The following CMKLR1 variants were observed in gnomAD, a reference collection of about 807,000 sequenced individuals.
CMKLR1 encodes chemerin chemokine-like receptor 1.
Under a neutral mutation model 8.2 loss-of-function variants are expected in CMKLR1, and 6 were observed. The ratio of observed to expected loss-of-function variants is 0.73; its 90% CI spans 0.40 to 1.44. The LOEUF is 1.44. Among genes scored for constraint, CMKLR1 ranks in the 40% most tolerant of loss-of-function variants. The pLI is 0.02. For synonymous variants in CMKLR1, 178 were observed against 181.2 expected (o/e 0.98, Z 0.14); for missense variants, 429 against 478.0 (o/e 0.90, Z 0.96).
intron 2 of CMKLR1, among the ~76,000 whole-genome samples, chr12:108,301,201 G>A (rs550214241): frequency 6.7e-6 from 1 of 150,112 alleles, no homozygotes; most frequent in Non-Finnish European, 1.5e-5. Flanking sequence ...TCAGCCTCCC[G>A]AGTAGCTGGG....
chr12:108,304,166 C>G (rs1391867077), intron 2 of CMKLR1, among the ~76,000 whole-genome samples: 1 of 152,212 alleles, frequency 6.6e-6, no homozygotes, highest in Non-Finnish European at 1.5e-5. Flanking sequence ...CCAGCTCCTT[C>G]CCTGTAGGGT....
chr12:108,312,576 G>A (rs867644549), intron 2 of CMKLR1, among the ~76,000 whole-genome samples: 1 of 152,218 alleles, frequency 6.6e-6, no homozygotes, highest in Admixed American at 6.5e-5. Context: ...CTTCGAGGTA[G>A]ATATTTTCAT....
At chr12:108,299,775 A>C (rs1303587448) in intron 2 of CMKLR1, among the ~76,000 whole-genome samples, 1 of 152,176 alleles carries the variant, frequency 6.6e-6, no homozygotes, top group East Asian at 1.9e-4. Context: ...TGGCAGAGGC[A>C]AGGAAGTATC....
intron 1 of CMKLR1, among the ~76,000 whole-genome samples, chr12:108,331,753 G>T (rs1182208951): frequency 6.6e-6 from 1 of 152,162 alleles, no homozygotes; most frequent in Non-Finnish European, 1.5e-5. Context: ...GCGGTTGCTG[G>T]CTTTGAAGGC....
At chr12:108,337,579 G>C (rs1173969002) in intron 1 of CMKLR1, among the ~76,000 whole-genome samples, 2 of 152,158 alleles carry the variant, frequency 1.3e-5, no homozygotes, top group East Asian at 1.9e-4. Flanking sequence ...GGAGGGATAG[G>C]CCCTGGGAGA....
Position 108,297,432 on chromosome 12 carries a change from G to T in CMKLR1, c.-73-3768C>A, listed in dbSNP as rs576968711. On this transcript the variant is annotated intron_variant, in intron 2 of 3. Transcript: ENST00000550402. ...TAGTTAAATTTTGGGGGAGTCAAAA[G>T]TTATATGTGGATTTTTGACTGTACA... Among the ~76,000 whole-genome samples the T allele has an allele frequency of 5.3e-5, 8 of 152,304 alleles. No individual in the cohort carries two copies. The South Asian group carries it at 1.7e-3, about 32-fold the overall frequency.
intron 2 of CMKLR1, among the ~76,000 whole-genome samples, chr12:108,326,998 TGAGAGA>T (rs138633888): frequency 6.7e-6 from 1 of 148,622 alleles, no homozygotes; most frequent in African/African-American, 2.5e-5. Flanking sequence ...AAACTGAGGC[TGAGAGA>T]GAGAGAGAGA....
chr12:108,301,519 G>A (rs1262561186), intron 2 of CMKLR1, among the ~76,000 whole-genome samples: 1 of 152,182 alleles, frequency 6.6e-6, no homozygotes, highest in Admixed American at 6.5e-5. Flanking sequence ...TATGTAACAT[G>A]TGTTCATCCT....
At chr12:108,312,421 G>C (rs571686965) in intron 2 of CMKLR1, among the ~76,000 whole-genome samples, 4 of 152,202 alleles carry the variant, frequency 2.6e-5, no homozygotes, top group African/African-American at 2.4e-5. Flanking sequence ...CCATGGGGAA[G>C]AGCCCTCACC....
intron 2 of CMKLR1, among the ~76,000 whole-genome samples, chr12:108,322,108 G>T (rs1891875660): frequency 1.3e-5 from 2 of 152,218 alleles, no homozygotes. Flanking sequence ...TGAGGGGCTT[G>T]GGAGGTGGGC....
intron 2 of CMKLR1, among the ~76,000 whole-genome samples, chr12:108,312,250 C>A (rs1256018147): frequency 6.6e-6 from 1 of 152,254 alleles, no homozygotes; most frequent in Non-Finnish European, 1.5e-5. Flanking sequence ...GACTTGAACT[C>A]AGATCTGTGA....
At chr12:108,313,024 T>G (rs1235956613) in intron 2 of CMKLR1, among the ~76,000 whole-genome samples, 1 of 151,960 alleles carries the variant, frequency 6.6e-6, no homozygotes, top group Non-Finnish European at 1.5e-5. Flanking sequence ...GGCCTTGGAG[T>G]GCTCAGGCAG....
At chr12:108,297,814 A>C (rs1029709093) in intron 2 of CMKLR1, among the ~76,000 whole-genome samples, 1 of 152,158 alleles carries the variant, frequency 6.6e-6, no homozygotes, top group Non-Finnish European at 1.5e-5. Flanking sequence ...CCTTTGTCAC[A>C]TTCCTGGTCC....
At chr12:108,305,867 T>C (rs940311215) in intron 2 of CMKLR1, among the ~76,000 whole-genome samples, 1 of 152,092 alleles carries the variant, frequency 6.6e-6, no homozygotes, top group African/African-American at 2.4e-5. Flanking sequence ...TAGGACTCCA[T>C]AAGAATGGGC....
rs765997637 is a variant in CMKLR1, at chr12:108,291,819, T to C, written c.*22A>G. 9.4e-6 allele frequency: 15 copies of C among 1,596,134 alleles called. No individual in the cohort carries two copies. Among genetic ancestry groups the C allele is most frequent in the African/African-American group, 1.3e-5 (1 of 74,516 alleles). ...GGTGTCCCTGGGTTGAGAGAGTCCA[T>C]TGAGGGGTTCCACAGTGAGGATCAA... On this transcript the variant is annotated 3_prime_UTR_variant, in exon 4 of 4. Transcript: ENST00000550402.
At chr12:108,303,082 G>C (rs1332490495) in intron 2 of CMKLR1, among the ~76,000 whole-genome samples, 1 of 152,072 alleles carries the variant, frequency 6.6e-6, no homozygotes, top group Non-Finnish European at 1.5e-5. Context: ...CCCTGACCGA[G>C]CCACAGTGGC....
At chr12:108,294,190 TAG>T (rs2086079297) in intron 2 of CMKLR1, among the ~76,000 whole-genome samples, 1 of 152,190 alleles carries the variant, frequency 6.6e-6, no homozygotes, top group Non-Finnish European at 1.5e-5. Context: ...TGTTAAGAAA[TAG>T]AGAGACTGAG....
chr12:108,336,590 G>A (rs1892230831), intron 1 of CMKLR1, among the ~76,000 whole-genome samples: 1 of 152,084 alleles, frequency 6.6e-6, no homozygotes, highest in East Asian at 1.9e-4. Context: ...TTCTAATGCA[G>A]GTGGTCTAGA....
intron 2 of CMKLR1, among the ~76,000 whole-genome samples, chr12:108,308,339 G>C (rs987780841): frequency 6.6e-6 from 1 of 152,286 alleles, no homozygotes; most frequent in Middle Eastern, 3.4e-3. Context: ...TGTTTCTACT[G>C]CTCCCTCAGT....
Sources: gnomAD v4.1 joint callset for allele counts (sites outside exome capture counted in the v4.1 genomes callset) on GRCh38, gnomAD v4.1.1 for gene constraint, MANE v1.5 for transcripts, NCBI Gene and HGNC (gene_info 2026-07-23, HGNC 2026-07-21) for gene names.